LRBA: variants seen among roughly 807,000 people sequenced by gnomAD.
The protein encoded by LRBA is lipopolysaccharide-responsive and beige-like anchor protein.
In LRBA, 176 loss-of-function variants were observed where a neutral mutation model predicts 330.0. That is an observed-to-expected ratio of 0.53 (90% CI 0.47 to 0.60). LRBA has a LOEUF of 0.60. Ranked by LOEUF, LRBA falls within the 20% of genes least tolerant of loss-of-function variation. The pLI is 0.00. For missense variants in LRBA, 3,259 were observed against 3,444.8 expected, an observed-to-expected ratio of 0.95 and a Z score of 1.35; for synonymous variants, 1,230 against 1,193.0, an observed-to-expected ratio of 1.03 and a Z score of -0.64.
chr4:150,763,692 C>T (rs180690654), intron 34 of LRBA, among the ~76,000 whole-genome samples: 3 of 151,706 alleles, frequency 2.0e-5, no homozygotes, highest in Admixed American at 1.3e-4. Flanking sequence ...GAGGGTCCCA[C>T]ACCTAACTTC....
chr4:150,898,524 C>T (rs1381952990), intron 14 of LRBA, among the ~76,000 whole-genome samples: 1 of 151,950 alleles, frequency 6.6e-6, no homozygotes, highest in African/African-American at 2.4e-5. Context: ...AATTTTTCCA[C>T]CACTAATCAC....
intron 46 of LRBA, among the ~76,000 whole-genome samples, chr4:150,430,450 T>A (rs1320421506): frequency 1.3e-5 from 2 of 152,122 alleles, no homozygotes; most frequent in Non-Finnish European, 2.9e-5. Flanking sequence ...TCTTTCCTCT[T>A]CCTTCTCTTC....
intron 37 of LRBA, among the ~76,000 whole-genome samples, chr4:150,639,755 A>ATGTGTGTATG (rs1315117133): frequency 4.0e-4 from 8 of 20,222 alleles, no homozygotes; most frequent in Non-Finnish European, 6.0e-4. Context: ...ATATATATAT[A>ATGTGTGTATG]TATATATATA....
At chr4:150,443,855 T>A (rs35863661) in intron 44 of LRBA, among the ~76,000 whole-genome samples, 9,159 of 27,202 alleles carry the variant, frequency 0.34, 681 homozygotes, top group East Asian at 0.46. Flanking sequence ...ATTAAAAAAA[T>A]ATATATATAT....
chr4:150,835,098 G>A (rs970696034), intron 28 of LRBA, among the ~76,000 whole-genome samples: 15 of 151,904 alleles, frequency 9.9e-5, no homozygotes, highest in Non-Finnish European at 1.8e-4. Context: ...CAGGTTTGTC[G>A]AAGATCAGAT....
intron 1 of LRBA, 78 bp from the exon 2 acceptor site, chr4:151,014,939 T>C (rs959904664): frequency 3.4e-6 from 1 of 298,340 alleles, no homozygotes; most frequent in East Asian, 5.7e-5. Context: ...GAAATAGTTA[T>C]TGTCGGTCAA....
chr4:150,521,902 T>G (rs548336627), intron 40 of LRBA, among the ~76,000 whole-genome samples: 11 of 152,314 alleles, frequency 7.2e-5, no homozygotes, highest in African/African-American at 2.4e-4. Context: ...CAATACCTAT[T>G]GTTCTATCAG....
chr4:150,726,054 C>T (rs1729623870), intron 36 of LRBA, among the ~76,000 whole-genome samples: 1 of 151,966 alleles, frequency 6.6e-6, no homozygotes, highest in South Asian at 2.1e-4. Flanking sequence ...ACCACCTTCA[C>T]TACAAGGAAG....
intron 42 of LRBA, among the ~76,000 whole-genome samples, chr4:150,485,545 T>A (rs1164271530): frequency 1.3e-5 from 2 of 151,736 alleles, no homozygotes; most frequent in African/African-American, 4.8e-5. Context: ...GGTGTCTTTG[T>A]AAAAGAGGGA....
chr4:150,668,976 T>C (rs1025612416), intron 37 of LRBA, among the ~76,000 whole-genome samples: 2 of 152,138 alleles, frequency 1.3e-5, no homozygotes, highest in African/African-American at 4.8e-5. Context: ...ATGAAGAGAC[T>C]GCGCCCTGGT....
intron 46 of LRBA, among the ~76,000 whole-genome samples, chr4:150,432,925 A>C (rs1750629731): frequency 6.6e-6 from 1 of 152,138 alleles, no homozygotes; most frequent in Non-Finnish European, 1.5e-5. Flanking sequence ...TTTGAAAGTC[A>C]CTAAGTTTTA....
At chr4:150,553,980 T>C (rs1766957598) in intron 40 of LRBA, among the ~76,000 whole-genome samples, 1 of 152,180 alleles carries the variant, frequency 6.6e-6, no homozygotes, top group Non-Finnish European at 1.5e-5. Context: ...CAAGGGTTCA[T>C]TTAAGAGCAT....
chr4:150,738,677 G>C (rs1308451276), intron 35 of LRBA, among the ~76,000 whole-genome samples: 1 of 152,084 alleles, frequency 6.6e-6, no homozygotes, highest in Admixed American at 6.5e-5. Context: ...AACTGAATTA[G>C]TGTTATAAGT....
chr4:150,366,619 G>A (rs1739501211), intron 47 of LRBA, among the ~76,000 whole-genome samples: 1 of 152,160 alleles, frequency 6.6e-6, no homozygotes, highest in South Asian at 2.1e-4. Context: ...TCCAAAGCCA[G>A]GCATGGATAG....
chr4:150,271,167 C>T (rs1746037547), intron 56 of LRBA, among the ~76,000 whole-genome samples: 1 of 152,208 alleles, frequency 6.6e-6, no homozygotes, highest in Admixed American at 6.5e-5. Context: ...AGGAATGGTG[C>T]ACTCTGGCCC....
intron 48 of LRBA, among the ~76,000 whole-genome samples, chr4:150,330,602 T>A (rs751493054): frequency 2.6e-5 from 4 of 152,152 alleles, no homozygotes; most frequent in Non-Finnish European, 5.9e-5. Flanking sequence ...ATCCCTCGCA[T>A]GTGCAGTTCA....
chr4:150,270,623 A>G (rs1466125645), intron 56 of LRBA, among the ~76,000 whole-genome samples: 1 of 152,244 alleles, frequency 6.6e-6, no homozygotes, highest in Non-Finnish European at 1.5e-5. Flanking sequence ...GTAAATGTAC[A>G]TAATGCCACT....
At chr4:150,561,163 T>A (rs537985442) in intron 40 of LRBA, among the ~76,000 whole-genome samples, 50 of 152,186 alleles carry the variant, frequency 3.3e-4, no homozygotes, top group Non-Finnish European at 5.6e-4. Context: ...ATTAATATGA[T>A]AAATACTAAT....
At chr4:150,643,568 G>A (rs919059313) in intron 37 of LRBA, among the ~76,000 whole-genome samples, 1 of 151,922 alleles carries the variant, frequency 6.6e-6, no homozygotes, top group Non-Finnish European at 1.5e-5. Flanking sequence ...TCTAATACAG[G>A]AGCATGGTAT....
Sources: allele counts gnomAD v4.1 joint callset (sites outside exome capture counted in the v4.1 genomes callset), GRCh38; gene constraint gnomAD v4.1.1; transcripts MANE v1.5; gene names NCBI Gene and HGNC (gene_info 2026-07-23, HGNC 2026-07-21).